Variants in PTN observed in about 807,000 individuals in gnomAD.
PTN encodes pleiotrophin, also known as heparin affin regulatory protein.
In PTN, 18 loss-of-function variants were observed where a neutral mutation model predicts 24.1. That is an observed-to-expected ratio of 0.75 (90% CI 0.52 to 1.11). PTN has a LOEUF of 1.11. Ranked by LOEUF, PTN falls within the 50% of genes least tolerant of loss-of-function variation. The probability of loss-of-function intolerance (pLI) is 0.00; values close to 1 mark genes in which losing one functional copy is unlikely to be tolerated. For missense variants in PTN, 163 were observed against 198.8 expected (o/e 0.82, Z 1.08); for synonymous variants, 78 against 68.6 (o/e 1.14, Z -0.67).
chr7:137,289,959 C>T (rs1809614109), intron 1 of PTN, among the ~76,000 whole-genome samples: 1 of 152,140 alleles, frequency 6.6e-6, no homozygotes, highest in African/African-American at 2.4e-5. Flanking sequence ...TGTATTAGTC[C>T]ATTTTCATGC....
Position 137,233,211 on chromosome 7 carries a change from T to G in PTN, c.452-5136A>C, listed in dbSNP as rs1485296361. On this transcript the variant is annotated intron_variant, in intron 4 of 4. Coordinates refer to ENST00000348225, the MANE Select transcript of PTN (RefSeq NM_002825.7). Reference sequence around the variant, plus strand: ...GTACGGTGAGACAATGAAAAAATCATGAAGTTTTGTTAGAATCATACTAAG... The same window carrying G: ...GTACGGTGAGACAATGAAAAAATCAGGAAGTTTTGTTAGAATCATACTAAG... 2.2e-4 allele frequency among the ~76,000 whole-genome samples: 33 copies of G among 151,928 alleles called. 1 individual carries two copies. The highest frequency in any genetic ancestry group is 2.2e-3 in the Admixed American group (33 of 15,210).
chr7:137,332,474 T>A (rs552139495), intron 1 of PTN, among the ~76,000 whole-genome samples: 33 of 152,328 alleles, frequency 2.2e-4, no homozygotes, highest in African/African-American at 7.9e-4. Context: ...ATATTTGAGA[T>A]TCTGCATATT....
Position 137,228,034 on chromosome 7 carries a change from TCTC to T in PTN, c.490_492del (p.Glu164del), listed in dbSNP as rs1808363693. ...GGTGACATCTTTTAATCCAGCATCT[TCTC>T]CTGTTTCTTGCCTTCCTTTTTCTTC... On this transcript the variant is annotated inframe_deletion, in exon 5 of 5. Coordinates refer to ENST00000348225, the MANE Select transcript of PTN (RefSeq NM_002825.7). 1 of 1,609,490 alleles carries T rather than the reference TCTC, an allele frequency of 6.2e-7. No homozygotes were observed. Among genetic ancestry groups the T allele is most frequent in the Non-Finnish European group, 8.5e-7 (1 of 1,177,322 alleles).
chr7:137,307,822 G>C (rs1809914385), intron 1 of PTN, among the ~76,000 whole-genome samples: 1 of 152,062 alleles, frequency 6.6e-6, no homozygotes, highest in Non-Finnish European at 1.5e-5. Context: ...ACTGATGAAG[G>C]GCAGAGCCAG....
At chr7:137,305,999 A>G (rs759226119) in intron 1 of PTN, among the ~76,000 whole-genome samples, 2 of 152,082 alleles carry the variant, frequency 1.3e-5, no homozygotes, top group Non-Finnish European at 2.9e-5. Flanking sequence ...TCCTCCCCTT[A>G]TAATTCTACA....
At chr7:137,316,558 G>T (rs983501971) in intron 1 of PTN, among the ~76,000 whole-genome samples, 6 of 152,044 alleles carry the variant, frequency 3.9e-5, no homozygotes, top group Non-Finnish European at 8.8e-5. Flanking sequence ...TAATAACAGG[G>T]GCCTCATGCC....
intron 1 of PTN, among the ~76,000 whole-genome samples, chr7:137,272,514 G>A (rs931090041): frequency 6.6e-5 from 10 of 152,046 alleles, no homozygotes; most frequent in African/African-American, 1.2e-4. Flanking sequence ...TCCATTCCAC[G>A]GACCCTCCTC....
rs138041747 is a variant in PTN at position 137,317,514 on chromosome 7, C to G, written c.-2+25925G>C. On this transcript the variant is annotated intron_variant, in intron 1 of 4. Transcript: ENST00000348225. ...TTCACATCTCCTGACCACACACATG[C>G]GAGTGCCATCTTTGGGAAATTCTAT... Among the ~76,000 whole-genome samples the G allele has an allele frequency of 5.3e-5, 8 of 152,144 alleles. No individual in the cohort carries two copies. The South Asian group carries it at 1.5e-3, about 28-fold the overall frequency.
intron 1 of PTN, among the ~76,000 whole-genome samples, chr7:137,289,409 C>T (rs1051481944): frequency 2.6e-5 from 4 of 152,164 alleles, no homozygotes; most frequent in East Asian, 1.9e-4. Flanking sequence ...CAAGAACACA[C>T]GACTTCTCTT....
Position 137,254,970 on chromosome 7 carries a change from G to T in PTN, c.4C>A (p.Gln2Lys). M[Q>K]AQQYQQQRRK... is the part of the protein sequence containing the mutation. ...CGCTGCTGCTGGTACTGTTGAGCCT[G>T]CATTCTAGGAATAAACAGAGAAAGA... The change falls in exon 2 of 5, where the codon CAG becomes AAG. Residue 2 changes from glutamine (Q) to lysine (K), a missense_variant. Physicochemically the swap from Gln to Lys is moderately conservative, Grantham distance 53. Coordinates refer to ENST00000348225, the MANE Select transcript of PTN (RefSeq NM_002825.7). 2 of 1,535,072 alleles carry T rather than the reference G, an allele frequency of 1.3e-6. No individual in the cohort carries two copies. The highest frequency in any genetic ancestry group is 1.8e-6 in the Non-Finnish European group (2 of 1,123,954).
intron 4 of PTN, among the ~76,000 whole-genome samples, chr7:137,243,258 C>T (rs1312415661): frequency 2.0e-5 from 3 of 152,126 alleles, no homozygotes; most frequent in Admixed American, 1.3e-4. Flanking sequence ...TATACAAAGC[C>T]GTTAGCAGAG....
In PTN at chr7:137,313,337, G is replaced by C. The variant is rs77101807; in HGVS notation, c.-2+30102C>G. 6.9e-3 allele frequency among the ~76,000 whole-genome samples: 1,049 copies of C among 152,310 alleles called. 19 individuals are homozygous for C. Among genetic ancestry groups the C allele is most frequent in the African/African-American group, 0.023 (970 of 41,570 alleles). On this transcript the variant is annotated intron_variant, in intron 1 of 4. Coordinates refer to ENST00000348225, the MANE Select transcript of PTN (RefSeq NM_002825.7). ...CAGCCTCACTCACAACTGTTTTGCA[G>C]ATGACTTAGGGAATTGCTGTTCAGA...
intron 1 of PTN, among the ~76,000 whole-genome samples, chr7:137,262,902 G>T (rs191406989): frequency 6.6e-6 from 1 of 152,182 alleles, no homozygotes; most frequent in South Asian, 2.1e-4. Flanking sequence ...TTGGTTTCAG[G>T]TCTGGTTCCT....
In PTN at chr7:137,227,870, A is replaced by G. The variant is rs1301019416; in HGVS notation, c.*150T>C. On this transcript the variant is annotated 3_prime_UTR_variant, in exon 5 of 5. Coordinates refer to ENST00000348225, the MANE Select transcript of PTN (RefSeq NM_002825.7). ...CTATAGTATACATTTAAAAAACGCT[A>G]CTACAAAAATTTTCTTTTCTTTTTG... 5 of 975,710 alleles carry G rather than the reference A, an allele frequency of 5.1e-6. No homozygotes were observed. Among genetic ancestry groups the G allele is most frequent in the Non-Finnish European group, 7.2e-6 (5 of 689,950 alleles). 60.4% of individuals were successfully genotyped at this position (975,710 alleles called of 1,614,324 possible).
At chr7:137,288,194 T>C (rs1809587142) in intron 1 of PTN, among the ~76,000 whole-genome samples, 1 of 152,176 alleles carries the variant, frequency 6.6e-6, no homozygotes, top group Non-Finnish European at 1.5e-5. Flanking sequence ...TCTTAATAAA[T>C]GAATTGTTTA....
intron 1 of PTN, among the ~76,000 whole-genome samples, chr7:137,292,993 AT>A (rs547906866): frequency 6.6e-6 from 1 of 152,310 alleles, no homozygotes; most frequent in South Asian, 2.1e-4. Flanking sequence ...CTCTATCAGA[AT>A]TTTTAATTTC....
intron 1 of PTN, among the ~76,000 whole-genome samples, chr7:137,327,169 A>C (rs1474529885): frequency 6.6e-6 from 1 of 152,190 alleles, no homozygotes; most frequent in Non-Finnish European, 1.5e-5. Context: ...TTTCAAACCT[A>C]ACTGATTCTC....
chr7:137,308,503 ACTTT>A (rs571515824), intron 1 of PTN, among the ~76,000 whole-genome samples: 14 of 152,228 alleles, frequency 9.2e-5, no homozygotes, highest in African/African-American at 2.6e-4. Context: ...TTATCCATCT[ACTTT>A]CTTTCTTTTT....
At chr7:137,265,662 A>T (rs1429473846) in intron 1 of PTN, among the ~76,000 whole-genome samples, 1 of 152,192 alleles carries the variant, frequency 6.6e-6, no homozygotes, top group South Asian at 2.1e-4. Flanking sequence ...GAAAACAGCT[A>T]CCATGCAGCC....
Sources: allele counts gnomAD v4.1 joint callset (sites outside exome capture counted in the v4.1 genomes callset), GRCh38; gene constraint gnomAD v4.1.1; transcripts MANE v1.5; gene names NCBI Gene and HGNC (gene_info 2026-07-23, HGNC 2026-07-21).